ARMH3: variants seen among roughly 807,000 people sequenced by gnomAD.
ARMH3 encodes armadillo-like helical domain-containing protein 3.
In ARMH3, 60 loss-of-function variants were observed where a neutral mutation model predicts 99.1. That is an observed-to-expected ratio of 0.61 (90% CI 0.49 to 0.75). The LOEUF is 0.75. Ranked by LOEUF, ARMH3 falls within the 30% of genes least tolerant of loss-of-function variation. The pLI is 0.00. For missense variants in ARMH3, 679 were observed against 843.1 expected (o/e 0.81, Z 2.41); for synonymous variants, 285 against 292.8 (o/e 0.97, Z 0.27).
At chr10:101,869,580 T>C (rs145395430) in intron 24 of ARMH3, among the ~76,000 whole-genome samples, 220 of 152,342 alleles carry the variant, frequency 1.4e-3, no homozygotes, top group Admixed American at 4.9e-3. Context: ...TGTGAGATGT[T>C]GTTAGCACAG....
intron 20 of ARMH3, among the ~76,000 whole-genome samples, chr10:101,965,793 T>G (rs1202667075): frequency 6.6e-6 from 1 of 152,212 alleles, no homozygotes; most frequent in Non-Finnish European, 1.5e-5. Context: ...TTCTGGGCTG[T>G]TTTTCAGGAA....
intron 8 of ARMH3, among the ~76,000 whole-genome samples, chr10:102,021,636 C>T (rs958028996): frequency 2.0e-5 from 3 of 151,990 alleles, no homozygotes; most frequent in Admixed American, 2.0e-4. Flanking sequence ...CAAGCTCCGC[C>T]TCCTGGGTTC....
intron 20 of ARMH3, among the ~76,000 whole-genome samples, chr10:101,967,436 T>C (rs940817677): frequency 1.3e-5 from 2 of 152,070 alleles, no homozygotes; most frequent in Non-Finnish European, 2.9e-5. Context: ...CACCTGCCAG[T>C]AGAATAATTT....
rs760582449 is a variant in ARMH3 at position 101,847,672 on chromosome 10, GGAGA to G, written c.1978-56_1978-53del. ...GGAGGGCGCAGCCAGAGAGAAAACA[GGAGA>G]GAGTCAGTTCTAAACGGCAGAGGAC... On this transcript the variant is annotated intron_variant, in intron 25 of 25. Transcript: ENST00000370033. The G allele has an allele frequency of 4.6e-6, 7 of 1,532,602 alleles. No homozygotes were observed. The Admixed American group carries it at 8.4e-5, about 18-fold the overall frequency. The allele number at this position is 1,532,602 out of a possible 1,614,324, so 94.9% of individuals were successfully genotyped here. A position where few individuals can be genotyped will look rare whatever the true frequency, so the allele number is the denominator to read the frequency against.
chr10:102,024,002 G>A (rs1157886981), intron 6 of ARMH3, among the ~76,000 whole-genome samples: 3 of 152,092 alleles, frequency 2.0e-5, no homozygotes, highest in African/African-American at 4.8e-5. Context: ...ACATGCATTC[G>A]CTTAACAGTT....
intron 19 of ARMH3, among the ~76,000 whole-genome samples, chr10:101,989,926 A>T (rs1033105297): frequency 4.6e-5 from 7 of 152,176 alleles, no homozygotes; most frequent in African/African-American, 1.7e-4. Context: ...AAGCTCAGAG[A>T]CAACTAAGTG....
At chr10:101,872,665 T>C (rs2067158542) in intron 24 of ARMH3, among the ~76,000 whole-genome samples, 1 of 151,482 alleles carries the variant, frequency 6.6e-6, no homozygotes, top group Non-Finnish European at 1.5e-5. Context: ...TATTAAAAAG[T>C]TGTAATAAGT....
chr10:101,893,678 A>G (rs2067749004), intron 23 of ARMH3, among the ~76,000 whole-genome samples: 1 of 152,090 alleles, frequency 6.6e-6, no homozygotes, highest in Admixed American at 6.6e-5. Context: ...AGGAAAAAAA[A>G]AGAGAGAGGA....
intron 1 of ARMH3, among the ~76,000 whole-genome samples, chr10:102,050,797 C>T (rs1457631310): frequency 3.3e-5 from 5 of 149,854 alleles, no homozygotes; most frequent in Admixed American, 2.0e-4. Context: ...GTAGAGGTTG[C>T]GCTGAGCTGA....
chr10:102,006,244 A>C (rs549455056), intron 14 of ARMH3, among the ~76,000 whole-genome samples: 13 of 152,336 alleles, frequency 8.5e-5, no homozygotes, highest in Non-Finnish European at 1.6e-4. Flanking sequence ...AAGGACTCTG[A>C]GAGTGTGGCA....
At chr10:101,866,709 A>G (rs1459528106) in intron 24 of ARMH3, among the ~76,000 whole-genome samples, 1 of 152,240 alleles carries the variant, frequency 6.6e-6, no homozygotes, top group Non-Finnish European at 1.5e-5. Context: ...TAAAGCAAAC[A>G]GGAAGGTGAA....
intron 20 of ARMH3, among the ~76,000 whole-genome samples, chr10:101,964,396 C>A (rs559999407): frequency 1.3e-5 from 2 of 152,232 alleles, no homozygotes; most frequent in African/African-American, 4.8e-5. Flanking sequence ...AAAAAACAAG[C>A]GATTGCAGGA....
In ARMH3 at chr10:101,869,963, G is replaced by T. The variant is rs1453008750; in HGVS notation, c.1860+19449C>A. 4.6e-5 allele frequency among the ~76,000 whole-genome samples: 7 copies of T among 152,360 alleles called. No homozygotes were observed. The East Asian group carries it at 5.8e-4, about 13-fold the overall frequency. Reference sequence around the variant, plus strand: ...CCAGAGGATCACTTGATCCTGGGAAGTGGAGGCTGCAGTGAGCAGAGATTG... The same window carrying T: ...CCAGAGGATCACTTGATCCTGGGAATTGGAGGCTGCAGTGAGCAGAGATTG... On this transcript the variant is annotated intron_variant, in intron 24 of 25. Coordinates refer to ENST00000370033, the MANE Select transcript of ARMH3 (RefSeq NM_024541.3).
At chr10:101,982,343 G>A (rs1236118795) in intron 19 of ARMH3, among the ~76,000 whole-genome samples, 3 of 151,604 alleles carry the variant, frequency 2.0e-5, no homozygotes, top group East Asian at 1.9e-4. Flanking sequence ...CTGAGATTGC[G>A]CCATTGCACT....
chr10:101,956,184 T>C (rs1439343842), intron 22 of ARMH3, among the ~76,000 whole-genome samples: 5 of 152,188 alleles, frequency 3.3e-5, no homozygotes, highest in African/African-American at 1.2e-4. Flanking sequence ...CACTTGTAAG[T>C]TATGCTAAAA....
intron 16 of ARMH3, among the ~76,000 whole-genome samples, chr10:101,994,661 T>C (rs1344091296): frequency 6.6e-6 from 1 of 152,224 alleles, no homozygotes; most frequent in African/African-American, 2.4e-5. Flanking sequence ...CTGCAATTAC[T>C]GAGTTTCCAA....
chr10:101,849,740 C>T, intron 25 of ARMH3, 36 bp downstream of exon 25: 1 of 1,571,924 alleles, frequency 6.4e-7, no homozygotes. Flanking sequence ...TGGGGGCGGG[C>T]CCCTAAGACA....
chr10:101,932,887 T>C (rs1164834388), intron 23 of ARMH3, among the ~76,000 whole-genome samples: 1 of 152,152 alleles, frequency 6.6e-6, no homozygotes, highest in Non-Finnish European at 1.5e-5. Context: ...AACTGTACAC[T>C]TAAAAATGGT....
chr10:102,012,760 A>G, intron 10 of ARMH3, 73 bp downstream of exon 10: 1 of 1,427,640 alleles, frequency 7.0e-7, no homozygotes. Flanking sequence ...TTGACCCAAG[A>G]ACTCTAACAA....
Sources: gnomAD v4.1 joint callset for allele counts (sites outside exome capture counted in the v4.1 genomes callset) on GRCh38, gnomAD v4.1.1 for gene constraint, MANE v1.5 for transcripts, NCBI Gene and HGNC (gene_info 2026-07-23, HGNC 2026-07-21) for gene names.